The following PRH1 variants were observed in gnomAD, a reference collection of about 807,000 sequenced individuals.
PRH1 encodes salivary acidic proline-rich phosphoprotein 1/2.
PRH1 carries 7 observed loss-of-function variants against 7.9 expected under a neutral mutation model. The ratio of observed to expected loss-of-function variants is 0.89; its 90% CI spans 0.50 to 1.67. PRH1 has a LOEUF of 1.67. PRH1 is among the 40% of genes most tolerant of loss of function. The pLI, the probability that PRH1 is intolerant of heterozygous loss-of-function variation, is 0.00. For synonymous variants in PRH1, 45 were observed against 80.8 expected (o/e 0.56, Z 2.38); for missense variants, 109 against 223.6 (o/e 0.49, Z 3.27).
chr12:11,059,919 T>G (rs1943514864), intron 1 of PRH1, among the ~76,000 whole-genome samples: 2 of 152,134 alleles, frequency 1.3e-5, no homozygotes, highest in South Asian at 4.1e-4. Context: ...TGCTGGGTTC[T>G]AGGTCCTGGG....
At chr12:10,990,502 A>T (rs1939882068) in intron 1 of PRH1, among the ~76,000 whole-genome samples, 1 of 152,218 alleles carries the variant, frequency 6.6e-6, no homozygotes, top group African/African-American at 2.4e-5. Flanking sequence ...TTTAGGACAG[A>T]CAGGCAGACA....
chr12:11,014,902 AGGTGG>A (rs1941222978), intron 1 of PRH1, among the ~76,000 whole-genome samples: 2 of 152,122 alleles, frequency 1.3e-5, no homozygotes, highest in African/African-American at 4.8e-5. Flanking sequence ...CAGGAATGTC[AGGTGG>A]CCATCAGGTG....
chr12:10,940,090 T>A (rs907524406), intron 2 of PRH1, among the ~76,000 whole-genome samples: 2 of 152,116 alleles, frequency 1.3e-5, no homozygotes, highest in African/African-American at 4.8e-5. Context: ...TATCCAAAGC[T>A]CCTCCTACAA....
chr12:11,044,933 GT>G (rs780011591), intron 1 of PRH1, among the ~76,000 whole-genome samples: 11 of 152,088 alleles, frequency 7.2e-5, no homozygotes, highest in Admixed American at 3.9e-4. Flanking sequence ...GCTACCATAT[GT>G]TCCACCAATC....
rs149019250 is a variant in PRH1, at chr12:10,881,992, T to C, written c.*18+225A>G. 3.9e-3 allele frequency among the ~76,000 whole-genome samples: 589 copies of C among 152,302 alleles called. 5 individuals carry two copies. The highest frequency in any genetic ancestry group is 0.013 in the African/African-American group (536 of 41,556). On this transcript the variant is annotated intron_variant, in intron 3 of 3. Coordinates refer to ENST00000543626, the MANE Select transcript of PRH1 (RefSeq NM_001393989.1). Reference sequence around the variant, plus strand: ...TGTCAACCCTACTTAAGACATGTAATTTGAAGATAGTGATTCTCAAAATCA... The same window carrying C: ...TGTCAACCCTACTTAAGACATGTAACTTGAAGATAGTGATTCTCAAAATCA...
At chr12:11,166,109 C>G (rs1028309233) in intron 1 of PRH1, 3 of 152,260 alleles carry the variant, frequency 2.0e-5, no homozygotes, top group Admixed American at 6.5e-5. Context: ...GTTTTCTCCC[C>G]CTCCTCCAGT....
chr12:11,096,711 A>T lies in PRH1; in HGVS notation n.124-49523T>A, dbSNP rs188646285. Among the ~76,000 whole-genome samples, 2 of 115,926 alleles carry T rather than the reference A, an allele frequency of 1.7e-5. 1 individual carries two copies. The highest frequency in any genetic ancestry group is 5.8e-5 in the African/African-American group (2 of 34,492). 76.1% of individuals were successfully genotyped at this position (115,926 alleles called of 152,430 possible). A position where few individuals can be genotyped will look rare whatever the true frequency, so the allele number is the denominator to read the frequency against. ...TTCAATGAGCAGCACTGGATCTCAA[A>T]ATGTCATTAATTACATATAGAATCT... On this transcript the variant is annotated intron_variant and non_coding_transcript_variant, in intron 1 of 4. Transcript: ENST00000541977.
intron 2 of PRH1, among the ~76,000 whole-genome samples, chr12:10,914,918 G>C (rs974791062): frequency 7.2e-5 from 11 of 152,166 alleles, no homozygotes; most frequent in Non-Finnish European, 1.5e-4. Flanking sequence ...CACAAGGTCA[G>C]GAGATCGAGA....
At chr12:10,937,192 T>C (rs555006946) in intron 2 of PRH1, among the ~76,000 whole-genome samples, 4 of 146,166 alleles carry the variant, frequency 2.7e-5, no homozygotes, top group East Asian at 4.0e-4. Context: ...GCCTCTAAGG[T>C]TGCAATTTTA....
intron 1 of PRH1, among the ~76,000 whole-genome samples, chr12:11,055,163 A>G (rs974484975): frequency 6.6e-6 from 1 of 151,742 alleles, no homozygotes; most frequent in Non-Finnish European, 1.5e-5. Context: ...AATGACTTTG[A>G]GAAAATATGA....
chr12:10,997,906 G>A (rs781241279), intron 1 of PRH1: 2 of 1,486,604 alleles, frequency 1.3e-6, no homozygotes, highest in East Asian at 4.6e-5. Context: ...AAAAAATTCA[G>A]GCCTAATGTC....
chr12:10,958,659 AAC>A, intron 2 of PRH1, among the ~76,000 whole-genome samples: 1 of 152,324 alleles, frequency 6.6e-6, no homozygotes, highest in Middle Eastern at 3.4e-3. Context: ...GAGGAGTGAT[AAC>A]GTTCAGTGTT....
chr12:11,067,519 G>A (rs1943876824), intron 1 of PRH1, among the ~76,000 whole-genome samples: 1 of 152,220 alleles, frequency 6.6e-6, no homozygotes, highest in Middle Eastern at 3.4e-3. Context: ...TTAAGAAGGT[G>A]GATTTACAGT....
intron 1 of PRH1, among the ~76,000 whole-genome samples, chr12:11,037,380 C>G (rs1221176814): frequency 6.6e-6 from 1 of 152,156 alleles, no homozygotes; most frequent in Non-Finnish European, 1.5e-5. Context: ...AAAAAATTTG[C>G]CTTTCTATGG....
At chr12:11,094,883 T>A (rs1250068505) in intron 1 of PRH1, among the ~76,000 whole-genome samples, 1 of 105,080 alleles carries the variant, frequency 9.5e-6, no homozygotes, top group Non-Finnish European at 2.2e-5. Context: ...ACTTTCCAAG[T>A]CCCTAAACCC....
chr12:11,007,064 A>C (rs1023978257), intron 1 of PRH1, among the ~76,000 whole-genome samples: 4 of 152,134 alleles, frequency 2.6e-5, no homozygotes, highest in African/African-American at 9.7e-5. Context: ...TTTAAAACCC[A>C]ATACATATGT....
chr12:11,053,684 A>G (rs1943245374), intron 1 of PRH1, among the ~76,000 whole-genome samples: 1 of 152,290 alleles, frequency 6.6e-6, no homozygotes, highest in Non-Finnish European at 1.5e-5. Flanking sequence ...GTAAATGTAG[A>G]TGATGATAAT....
intron 1 of PRH1, among the ~76,000 whole-genome samples, chr12:11,168,441 A>G (rs1048215784): frequency 6.9e-6 from 1 of 145,596 alleles, no homozygotes; most frequent in Admixed American, 6.8e-5. Context: ...GAAAAGAAAA[A>G]AGAAAGAAAG....
At chr12:10,916,191 C>T (rs755285468) in intron 2 of PRH1, among the ~76,000 whole-genome samples, 10 of 152,138 alleles carry the variant, frequency 6.6e-5, no homozygotes, top group Non-Finnish European at 1.2e-4. Context: ...ATGAGAATTA[C>T]TTATTCATTA....
Sources: allele counts gnomAD v4.1 joint callset (sites outside exome capture counted in the v4.1 genomes callset), GRCh38; gene constraint gnomAD v4.1.1; transcripts MANE v1.5; gene names NCBI Gene and HGNC (gene_info 2026-07-23, HGNC 2026-07-21).